Variants in CPLANE1 observed in about 807,000 individuals in gnomAD.
CPLANE1 encodes ciliogenesis and planar polarity effector 1.
Under a neutral mutation model 362.5 loss-of-function variants are expected in CPLANE1, and 263 were observed. That is an observed-to-expected ratio of 0.73 (90% CI 0.66 to 0.80). The LOEUF (loss-of-function observed/expected upper bound fraction) is 0.80, where lower values mean the gene tolerates loss of function less well. Ranked by LOEUF, CPLANE1 falls within the 30% of genes least tolerant of loss-of-function variation. The pLI is 0.00. For synonymous variants in CPLANE1, 1,212 were observed against 1,302.6 expected (o/e 0.93, Z 1.50); for missense variants, 3,461 against 3,793.4 (o/e 0.91, Z 2.30).
At chr5:37,087,845 G>A in the CPLANE1 span, among the ~76,000 whole-genome samples, 1 of 152,210 alleles carries the variant, frequency 6.6e-6, no homozygotes. Context: ...GAATGATTAA[G>A]GCCTTGGCAG....
intron 21 of CPLANE1, among the ~76,000 whole-genome samples, chr5:37,188,121 G>A (rs1784535872): frequency 6.6e-6 from 1 of 151,944 alleles, no homozygotes; most frequent in African/African-American, 2.4e-5. Context: ...AGCAATACAA[G>A]TACACAAAGA....
chr5:37,107,452 T>C lies in CPLANE1; in HGVS notation c.*150A>G, dbSNP rs1349771705. On this transcript the variant is annotated 3_prime_UTR_variant, in exon 53 of 53. Coordinates refer to ENST00000651892, the MANE Select transcript of CPLANE1 (RefSeq NM_001384732.1). ...TACTGAGAAATGTTTATTTTTCCTC[T>C]GGTAATGGCTAATCCAGGTAATAAT... 1.6e-6 allele frequency: 2 copies of C among 1,284,730 alleles called. No individual in the cohort carries two copies. The highest frequency in any genetic ancestry group is 2.0e-6 in the Non-Finnish European group (2 of 1,009,630). 79.6% of individuals were successfully genotyped at this position (1,284,730 alleles called of 1,614,324 possible).
chr5:37,173,954 G>A lies in CPLANE1; in HGVS notation c.5979-7C>T. ...ATATGTAGAAATCTGTGCACTGCGT[G>A]GAAAGCATTTAAATAAAAAACATGC... is the stretch of plus-strand genomic sequence containing the variant. On this transcript the variant is annotated splice_polypyrimidine_tract_variant and splice_region_variant and intron_variant, in intron 31 of 52. Transcript: ENST00000651892. The A allele has an allele frequency of 6.2e-7, 1 of 1,602,454 alleles. No individual in the cohort carries two copies. The highest frequency in any genetic ancestry group is 1.1e-5 in the South Asian group (1 of 89,800).
chr5:37,127,524 T>C (rs948218146), intron 46 of CPLANE1, among the ~76,000 whole-genome samples: 2 of 150,264 alleles, frequency 1.3e-5, no homozygotes, highest in Non-Finnish European at 3.0e-5. Flanking sequence ...AATTTTTTTT[T>C]TTTTTTTTTT....
At chr5:37,193,360 G>T (rs1580608435) in intron 21 of CPLANE1, among the ~76,000 whole-genome samples, 1 of 151,510 alleles carries the variant, frequency 6.6e-6, no homozygotes, top group South Asian at 2.1e-4. Flanking sequence ...CTTCAAAAGA[G>T]TGTGAAATCC....
In CPLANE1 at chr5:37,121,717, A is replaced by AT. The variant is rs755235404; in HGVS notation, c.9084dup (p.Ser3029IlefsTer2). 4 of 1,613,792 alleles carry AT rather than the reference A, an allele frequency of 2.5e-6. No individual in the cohort carries two copies. The South Asian group carries it at 3.3e-5, about 13-fold the overall frequency. On this transcript the variant is annotated frameshift_variant, in exon 49 of 53. Transcript: ENST00000651892. LOFTEE classifies it high-confidence loss of function. ...AGAGTTGGTAGCTGTACTGACTCAG[A>AT]TAACAGTTCATTCATCAGACCGTAC...
the CPLANE1 span, among the ~76,000 whole-genome samples, chr5:37,080,475 G>T: frequency 6.6e-6 from 1 of 152,164 alleles, no homozygotes; most frequent in South Asian, 2.1e-4. Context: ...ATAACTCAAA[G>T]CATGGTAGAT....
At chr5:37,093,715 C>T in the CPLANE1 span, among the ~76,000 whole-genome samples, 1 of 152,172 alleles carries the variant, frequency 6.6e-6, no homozygotes, top group Admixed American at 6.5e-5. Flanking sequence ...CTGCATACAT[C>T]TGCACTCTCC....
At chr5:37,151,291 C>T (rs888603218) in intron 42 of CPLANE1, among the ~76,000 whole-genome samples, 9 of 152,178 alleles carry the variant, frequency 5.9e-5, no homozygotes, top group Non-Finnish European at 1.0e-4. Flanking sequence ...CAATTCATTA[C>T]CAGCTCGAGT....
At chr5:37,193,010 T>A (rs1786085414) in intron 21 of CPLANE1, among the ~76,000 whole-genome samples, 1 of 143,920 alleles carries the variant, frequency 6.9e-6, no homozygotes, top group South Asian at 2.3e-4. Context: ...TACTAAAAAG[T>A]ACAAAAATTA....
intron 24 of CPLANE1, among the ~76,000 whole-genome samples, chr5:37,185,476 AT>A (rs1358177071): frequency 6.6e-6 from 1 of 152,178 alleles, no homozygotes; most frequent in Admixed American, 6.5e-5. Flanking sequence ...AGCCAAAAAA[AT>A]CAAGGACATT....
At chr5:37,193,472 T>C (rs745510747) in intron 21 of CPLANE1, among the ~76,000 whole-genome samples, 2 of 152,000 alleles carry the variant, frequency 1.3e-5, no homozygotes, top group South Asian at 2.1e-4. Context: ...CTAGCCAACA[T>C]GGCAAAACCC....
intron 31 of CPLANE1, among the ~76,000 whole-genome samples, chr5:37,174,206 AC>A (rs919121324): frequency 2.6e-5 from 4 of 152,122 alleles, no homozygotes; most frequent in African/African-American, 7.2e-5. Context: ...GGTGTTGCAA[AC>A]CCAAGAGCTG....
At chr5:37,170,006 C>T (rs1055619037) in intron 33 of CPLANE1, 35 bp downstream of exon 33, 24 of 1,589,706 alleles carry the variant, frequency 1.5e-5, no homozygotes, top group African/African-American at 8.1e-5. Context: ...TGAGCCACCG[C>T]GCCCAGCCAT....
At chr5:37,122,133 G>A (rs989847255) in intron 48 of CPLANE1, among the ~76,000 whole-genome samples, 26 of 152,104 alleles carry the variant, frequency 1.7e-4, no homozygotes, top group African/African-American at 6.3e-4. Flanking sequence ...TATTATTAAA[G>A]GTACTTGTAG....
At chr5:37,085,426 A>C in the CPLANE1 span, 18 of 989,492 alleles carry the variant, frequency 1.8e-5, no homozygotes, top group Admixed American at 3.0e-4. Flanking sequence ...AAATTGGGTA[A>C]AGTGAGAAAA....
intron 21 of CPLANE1, among the ~76,000 whole-genome samples, chr5:37,195,031 T>G (rs1179402671): frequency 6.6e-6 from 1 of 151,632 alleles, no homozygotes; most frequent in Non-Finnish European, 1.5e-5. Flanking sequence ...GGCGGGTGCC[T>G]GTAGTCCCAG....
At chr5:37,236,805 CAT>C (rs554887199) in intron 8 of CPLANE1, among the ~76,000 whole-genome samples, 68 of 149,042 alleles carry the variant, frequency 4.6e-4, no homozygotes, top group African/African-American at 1.6e-3. Context: ...AGCCAATAAA[CAT>C]ATGAAAAAAT....
intron 44 of CPLANE1, 138 bp downstream of exon 44, chr5:37,142,172 T>C (rs1273927770): frequency 7.8e-7 from 1 of 1,274,484 alleles, no homozygotes; most frequent in African/African-American, 1.5e-5. Context: ...AGCAAAAGTT[T>C]TAACTTTCCT....
Sources: gnomAD v4.1 joint callset for allele counts (sites outside exome capture counted in the v4.1 genomes callset) on GRCh38, gnomAD v4.1.1 for gene constraint, MANE v1.5 for transcripts, NCBI Gene and HGNC (gene_info 2026-07-23, HGNC 2026-07-21) for gene names.